Variants in UBE4B observed in about 807,000 individuals in gnomAD.
The protein encoded by UBE4B is ubiquitination factor E4B.
A neutral mutation model predicts 148.1 loss-of-function variants in UBE4B; 27 were observed. The observed-to-expected ratio is 0.18, with a 90% confidence interval of 0.13 to 0.25. The LOEUF (loss-of-function observed/expected upper bound fraction) is 0.25. UBE4B is among the 10% of genes least tolerant of loss of function. UBE4B has a pLI of 1.00. For synonymous variants in UBE4B, 596 were observed against 619.3 expected (o/e 0.96, Z 0.56); for missense variants, 1,170 against 1,662.4 (o/e 0.70, Z 5.15).
chr1:10,121,083 G>A (rs545539754), intron 9 of UBE4B, among the ~76,000 whole-genome samples: 1 of 152,040 alleles, frequency 6.6e-6, no homozygotes, highest in East Asian at 1.9e-4. Context: ...CATATAATAC[G>A]GCCAGGCGTG....
chr1:10,122,625 T>C (rs541308842), intron 10 of UBE4B, among the ~76,000 whole-genome samples: 5 of 152,358 alleles, frequency 3.3e-5, no homozygotes, highest in African/African-American at 1.2e-4. Context: ...AGATATGTAG[T>C]GCTTAAAAAT....
intron 1 of UBE4B, among the ~76,000 whole-genome samples, chr1:10,060,227 G>A (rs918540420): frequency 6.6e-6 from 1 of 152,150 alleles, no homozygotes; most frequent in African/African-American, 2.4e-5. Flanking sequence ...ATAGGGTATA[G>A]TTACACAAAC....
intron 1 of UBE4B, among the ~76,000 whole-genome samples, chr1:10,042,277 T>A (rs1383627704): frequency 6.6e-6 from 1 of 152,088 alleles, no homozygotes; most frequent in Admixed American, 6.6e-5. Flanking sequence ...CAACAGCGCT[T>A]ACAGTTGACT....
chr1:10,089,309 A>G (rs1278293685), intron 2 of UBE4B, among the ~76,000 whole-genome samples: 1 of 152,020 alleles, frequency 6.6e-6, no homozygotes, highest in Non-Finnish European at 1.5e-5. Flanking sequence ...TCAGCCAAGA[A>G]CAAAATGTTT....
intron 2 of UBE4B, among the ~76,000 whole-genome samples, chr1:10,076,536 G>A (rs1309363803): frequency 6.6e-6 from 1 of 151,876 alleles, no homozygotes; most frequent in Non-Finnish European, 1.5e-5. Flanking sequence ...GAGCTACCAC[G>A]CCTGGCCAAG....
rs548632715 is a variant in UBE4B at position 10,100,191 on chromosome 1, A to G, written c.348-917A>G. ...TTTTTTAGTAGAGACGGGTTTCACC[A>G]TGTTAGCCAGGATGGTCTCGATTTC... On this transcript the variant is annotated intron_variant, in intron 3 of 27. Coordinates refer to ENST00000343090, the MANE Select transcript of UBE4B (RefSeq NM_001105562.3). Among the ~76,000 whole-genome samples, 30 of 151,990 alleles carry G rather than the reference A, an allele frequency of 2.0e-4. No homozygotes were observed. The South Asian group carries it at 4.2e-3, about 21-fold the overall frequency.
chr1:10,147,955 C>T (rs549109459), intron 19 of UBE4B, among the ~76,000 whole-genome samples: 2 of 152,102 alleles, frequency 1.3e-5, no homozygotes, highest in African/African-American at 4.8e-5. Context: ...AGGCCGGGTG[C>T]GGTGGCTCAC....
At position 10,171,188 on chromosome 1, in the gene UBE4B, T is replaced by C. The variant is rs1170515543; in HGVS notation, c.3384T>C (p.Leu1128=). The change falls in exon 25 of 28, where the codon CTT becomes CTC. Residue 1128 remains leucine, a synonymous_variant. Transcript: ENST00000343090. ...TGCTGAACTTTAATCTTCAGCAACT[T>C]TGTGGCCCCAAGTGCCGTGACCTGA... ...AAMLNFNLQQ[L]CGPKCRDLKV... The C allele has an allele frequency of 1.2e-6, 2 of 1,614,044 alleles. No homozygotes were observed. The highest frequency in any genetic ancestry group is 4.5e-5 in the East Asian group (2 of 44,894).
At chr1:10,080,052 A>G (rs1644651103) in intron 2 of UBE4B, among the ~76,000 whole-genome samples, 1 of 152,130 alleles carries the variant, frequency 6.6e-6, no homozygotes, top group African/African-American at 2.4e-5. Context: ...ACAGCCACAA[A>G]TAGTCACTTT....
chr1:10,047,713 C>T (rs1643941473), intron 1 of UBE4B, among the ~76,000 whole-genome samples: 1 of 152,050 alleles, frequency 6.6e-6, no homozygotes, highest in Non-Finnish European at 1.5e-5. Flanking sequence ...AGGATGGTCT[C>T]GATCTCCTGA....
At chr1:10,132,323 G>A (rs777871255) in intron 14 of UBE4B, 46 bp from the exon 15 acceptor site, 2 of 1,505,446 alleles carry the variant, frequency 1.3e-6, no homozygotes, top group East Asian at 4.6e-5. Context: ...GGAATCATGT[G>A]CAAAATAGTT....
rs953396542 is a variant in UBE4B, at chr1:10,110,563, A to G, written c.1196+3980A>G. ...AAAAGCTGGAAGTTGATCTGAAAAA[A>G]AAAATTACCCCATGGTAAAGGTACC... On this transcript the variant is annotated intron_variant, in intron 7 of 27. Coordinates refer to ENST00000343090, the MANE Select transcript of UBE4B (RefSeq NM_001105562.3). 2.6e-5 allele frequency among the ~76,000 whole-genome samples: 4 copies of G among 152,236 alleles called. No individual in the cohort carries two copies. The East Asian group carries it at 7.7e-4, about 29-fold the overall frequency.
At chr1:10,092,205 C>G (rs1053385265) in intron 2 of UBE4B, among the ~76,000 whole-genome samples, 14 of 149,210 alleles carry the variant, frequency 9.4e-5, no homozygotes, top group African/African-American at 3.6e-4. Flanking sequence ...CCCTGGCCAA[C>G]ATAGTGAGAC....
rs954044858 is a variant in UBE4B at position 10,168,703 on chromosome 1, TAAC to T, written c.3333+435_3333+437del. Among the ~76,000 whole-genome samples the T allele has an allele frequency of 6.6e-6, 1 of 152,078 alleles. No individual in the cohort carries two copies. Among genetic ancestry groups the T allele is most frequent in the Non-Finnish European group, 1.5e-5 (1 of 68,016 alleles). On this transcript the variant is annotated intron_variant, in intron 24 of 27. Coordinates refer to ENST00000343090, the MANE Select transcript of UBE4B (RefSeq NM_001105562.3). This position sits in a 1 kb window ranked among gnomAD's most constrained non-coding sequence, Gnocchi z 4.9. ...GTCAGGAGATGGAGACCATCCTGGC[TAAC>T]ACAGTGAAACCCCATCTCTACTAAA...
intron 2 of UBE4B, among the ~76,000 whole-genome samples, chr1:10,086,955 A>C (rs1342453574): frequency 6.6e-6 from 1 of 152,134 alleles, no homozygotes; most frequent in Non-Finnish European, 1.5e-5. Flanking sequence ...TATAGGCTTG[A>C]GCCACCGCGC....
rs187597204 is a variant in UBE4B at position 10,035,097 on chromosome 1, C to T, written c.24+1403C>T. On this transcript the variant is annotated intron_variant, in intron 1 of 27. Coordinates refer to ENST00000343090, the MANE Select transcript of UBE4B (RefSeq NM_001105562.3). Reference sequence around the variant, plus strand: ...CACTGCAAGCTCCGCCTCCCGGGTTCACACCATTCTCCTGCCTCAGCCCCC... The same window carrying T: ...CACTGCAAGCTCCGCCTCCCGGGTTTACACCATTCTCCTGCCTCAGCCCCC... 6.4e-3 allele frequency among the ~76,000 whole-genome samples: 970 copies of T among 151,910 alleles called. 21 individuals are homozygous for T. The highest frequency in any genetic ancestry group is 0.063 in the South Asian group (305 of 4,812).
At chr1:10,160,127 CAG>C (rs1483904048) in intron 22 of UBE4B, among the ~76,000 whole-genome samples, 1 of 152,206 alleles carries the variant, frequency 6.6e-6, no homozygotes, top group Non-Finnish European at 1.5e-5. Context: ...CAGAGTCTAA[CAG>C]AGGTAGGCCA....
chr1:10,044,463 T>C (rs1643875131), intron 1 of UBE4B, among the ~76,000 whole-genome samples: 1 of 152,106 alleles, frequency 6.6e-6, no homozygotes, highest in Non-Finnish European at 1.5e-5. Context: ...CCATGGGTGG[T>C]GGTGGTGGGA....
At chr1:10,105,272 A>G (rs1309463144) in intron 5 of UBE4B, among the ~76,000 whole-genome samples, 2 of 152,216 alleles carry the variant, frequency 1.3e-5, no homozygotes, top group African/African-American at 4.8e-5. Context: ...TCCTATATAT[A>G]CTTTACCCAG....
Sources: allele counts gnomAD v4.1 joint callset (sites outside exome capture counted in the v4.1 genomes callset), GRCh38; gene constraint gnomAD v4.1.1; non-coding constraint Gnocchi (gnomAD v3.1); transcripts MANE v1.5; gene names NCBI Gene and HGNC (gene_info 2026-07-23, HGNC 2026-07-21).